AKAP19: variants seen among roughly 807,000 people sequenced by gnomAD.
The protein encoded by AKAP19 is small A-kinase anchoring protein.
At chr2:189,936,709 A>G in the AKAP19 span, among the ~76,000 whole-genome samples, 1 of 152,348 alleles carries the variant, frequency 6.6e-6, no homozygotes, top group South Asian at 2.1e-4. Context: ...TACACTACTT[A>G]ATAAAAAGGA....
chr2:189,943,809 C>T, the AKAP19 span, among the ~76,000 whole-genome samples: 7 of 152,212 alleles, frequency 4.6e-5, no homozygotes, highest in Admixed American at 3.9e-4. Flanking sequence ...TATTTTGGAG[C>T]TTTAAGATTT....
At chr2:189,975,605 C>T in the AKAP19 span, among the ~76,000 whole-genome samples, 1 of 152,230 alleles carries the variant, frequency 6.6e-6, no homozygotes, top group African/African-American at 2.4e-5. Flanking sequence ...CTCCCCATCA[C>T]TTTCAGGTAC....
At chr2:189,982,354 CTT>C in the AKAP19 span, among the ~76,000 whole-genome samples, 4 of 151,836 alleles carry the variant, frequency 2.6e-5, no homozygotes, top group African/African-American at 9.7e-5. Flanking sequence ...CAGAAGTTTT[CTT>C]TGTTTTTTTC....
the AKAP19 span, among the ~76,000 whole-genome samples, chr2:190,151,780 T>C: frequency 6.6e-6 from 1 of 151,856 alleles, no homozygotes; most frequent in South Asian, 2.1e-4. Flanking sequence ...GGCAGTCAGA[T>C]CACTTGAGGC....
At chr2:190,067,552 A>G in the AKAP19 span, among the ~76,000 whole-genome samples, 1 of 152,206 alleles carries the variant, frequency 6.6e-6, no homozygotes, top group East Asian at 1.9e-4. Flanking sequence ...TATTATTGTA[A>G]TCACCAACTA....
the AKAP19 span, among the ~76,000 whole-genome samples, chr2:189,915,186 C>T: frequency 3.9e-4 from 59 of 151,940 alleles, no homozygotes; most frequent in Admixed American, 7.2e-4. Context: ...TTTTTTTTAA[C>T]TCCCTTTATG....
the AKAP19 span, among the ~76,000 whole-genome samples, chr2:190,189,248 A>G: frequency 4.6e-5 from 7 of 152,242 alleles, no homozygotes; most frequent in South Asian, 2.1e-4. Flanking sequence ...CAGAGGTTCT[A>G]TAAGTTCAAG....
chr2:189,913,969 A>T, the AKAP19 span, among the ~76,000 whole-genome samples: 2 of 152,100 alleles, frequency 1.3e-5, no homozygotes, highest in Non-Finnish European at 2.9e-5. Flanking sequence ...AGAATATTCC[A>T]TACGGAAATG....
chr2:190,009,825 A>T, the AKAP19 span, among the ~76,000 whole-genome samples: 1 of 152,180 alleles, frequency 6.6e-6, no homozygotes. Context: ...CATTAAGAGG[A>T]TGGGGAGAAG....
At chr2:189,923,417 G>A in the AKAP19 span, 1 of 1,613,644 alleles carries the variant, frequency 6.2e-7, no homozygotes, top group African/African-American at 1.3e-5. Flanking sequence ...CACTCTTGTG[G>A]TCAAGAAATC....
the AKAP19 span, among the ~76,000 whole-genome samples, chr2:189,914,399 C>A: frequency 6.6e-6 from 1 of 151,958 alleles, no homozygotes; most frequent in Non-Finnish European, 1.5e-5. Flanking sequence ...GTAGGATAAA[C>A]AATTTAAAAA....
At chr2:190,047,805 CTAATG>C in the AKAP19 span, among the ~76,000 whole-genome samples, 1 of 152,114 alleles carries the variant, frequency 6.6e-6, no homozygotes, top group African/African-American at 2.4e-5. Flanking sequence ...GACTAGTCAA[CTAATG>C]TAATGATAGG....
At chr2:190,056,172 A>G in the AKAP19 span, 1 of 152,542 alleles carries the variant, frequency 6.6e-6, no homozygotes, top group African/African-American at 2.4e-5. Context: ...CTGAAATATA[A>G]GTAGTTGCTT....
the AKAP19 span, among the ~76,000 whole-genome samples, chr2:190,001,638 A>G: frequency 6.6e-6 from 1 of 152,148 alleles, no homozygotes; most frequent in South Asian, 2.1e-4. Flanking sequence ...TCTACCATCA[A>G]TTGGCAGAGA....
At chr2:190,086,658 A>T in the AKAP19 span, among the ~76,000 whole-genome samples, 1 of 152,196 alleles carries the variant, frequency 6.6e-6, no homozygotes, top group Non-Finnish European at 1.5e-5. Flanking sequence ...TCATTCCTGA[A>T]ATATCTGAAC....
chr2:190,012,363 A>T, the AKAP19 span, among the ~76,000 whole-genome samples: 1 of 151,814 alleles, frequency 6.6e-6, no homozygotes, highest in East Asian at 1.9e-4. Context: ...ATTTCTAAGT[A>T]TTTTTTTCTT....
chr2:190,113,463 T>C, the AKAP19 span, among the ~76,000 whole-genome samples: 2 of 152,268 alleles, frequency 1.3e-5, no homozygotes, highest in Non-Finnish European at 2.9e-5. Flanking sequence ...TGTCATCTTT[T>C]GGGTCATCAT....
At chr2:189,995,479 C>T in the AKAP19 span, among the ~76,000 whole-genome samples, 1 of 152,126 alleles carries the variant, frequency 6.6e-6, no homozygotes, top group Non-Finnish European at 1.5e-5. Flanking sequence ...TCTTTTTCCA[C>T]CCTTTTACCT....
chr2:189,890,163 C>G, the AKAP19 span, among the ~76,000 whole-genome samples: 1 of 152,064 alleles, frequency 6.6e-6, no homozygotes, highest in Non-Finnish European at 1.5e-5. Context: ...TTTATTTCTG[C>G]CTTAATTTTG....
Sources: gnomAD v4.1 joint callset for allele counts (sites outside exome capture counted in the v4.1 genomes callset) on GRCh38, gnomAD v4.1.1 for gene constraint, MANE v1.5 for transcripts, NCBI Gene and HGNC (gene_info 2026-07-23, HGNC 2026-07-21) for gene names.